SLIT1: variants seen among roughly 807,000 people sequenced by gnomAD.
SLIT1 encodes slit guidance ligand 1, also known as slit homolog 1 protein.
Under a neutral mutation model 186.1 loss-of-function variants are expected in SLIT1, and 66 were observed. The observed-to-expected ratio is 0.35, with a 90% CI of 0.29 to 0.44. The LOEUF is 0.44. SLIT1 is among the 20% of genes least tolerant of loss of function. SLIT1 has a pLI of 1.00. For missense variants in SLIT1, 1,638 were observed against 2,037.4 expected (o/e 0.80, Z 3.77); for synonymous variants, 761 against 833.8 (o/e 0.91, Z 1.50).
intron 14 of SLIT1, among the ~76,000 whole-genome samples, 163 bp downstream of exon 14, chr10:97,048,792 T>A (rs1238659378): frequency 6.7e-6 from 1 of 149,376 alleles, no homozygotes; most frequent in Non-Finnish European, 1.5e-5. Context: ...GGTGAACAGG[T>A]GGGTAGGCGG....
chr10:97,030,948 A>T, intron 24 of SLIT1, 120 bp from the exon 25 acceptor site: 1 of 805,716 alleles, frequency 1.2e-6, no homozygotes, highest in Non-Finnish European at 2.1e-6. Context: ...TAGGCCTCTC[A>T]GTCAGTGACC....
chr10:97,032,389 CA>C (rs1379767813), intron 23 of SLIT1, among the ~76,000 whole-genome samples: 1 of 151,948 alleles, frequency 6.6e-6, no homozygotes, highest in Non-Finnish European at 1.5e-5. Flanking sequence ...ACCGACATGG[CA>C]AAACCCCGTC....
At position 97,046,367 on chromosome 10, in the gene SLIT1, G is replaced by A. The variant is rs193065132; in HGVS notation, c.1853+287C>T. Among the ~76,000 whole-genome samples the A allele has an allele frequency of 3.3e-5, 5 of 152,324 alleles. No homozygotes were observed. The East Asian group carries it at 9.6e-4, about 29-fold the overall frequency. On this transcript the variant is annotated intron_variant, in intron 18 of 36. Transcript: ENST00000266058. The stretch of plus-strand genomic sequence containing the variant: ...CCTGAACTCATGCTGTGCTCTTGCA[G>A]CCTGACCAGAGGGCAATGGGAAGGG...
chr10:97,172,759 T>C (rs1191861599), intron 1 of SLIT1, among the ~76,000 whole-genome samples: 1 of 152,040 alleles, frequency 6.6e-6, no homozygotes, highest in East Asian at 1.9e-4. Flanking sequence ...TTATTTTAAT[T>C]AACCAGGCGT....
chr10:97,008,974 G>T (rs113270181), intron 31 of SLIT1, among the ~76,000 whole-genome samples: 19,222 of 151,654 alleles, frequency 0.13, 1,487 homozygotes, highest in African/African-American at 0.21. Context: ...CTGCCTCCCG[G>T]GTTCATGCCA....
chr10:97,064,369 C>G, intron 6 of SLIT1, 130 bp from the exon 7 acceptor site: 1 of 762,786 alleles, frequency 1.3e-6, no homozygotes, highest in East Asian at 2.7e-5. Flanking sequence ...CATGGAGGAG[C>G]TAAGCCGAAG....
rs1305564912 is a variant in SLIT1 at position 97,138,467 on chromosome 10, C to T, written c.413+19351G>A. ...CAATGTTCAAATGACCAGTTGTCCA[C>T]GGCCTTCCCTTCGGGATGACTGAAG... On this transcript the variant is annotated intron_variant, in intron 4 of 36. Transcript: ENST00000266058. Among the ~76,000 whole-genome samples, 7 of 152,354 alleles carry T rather than the reference C, an allele frequency of 4.6e-5. No homozygotes were observed. In the South Asian group the frequency reaches 8.3e-4, roughly 18 times the overall value.
At chr10:97,091,401 G>T (rs932364185) in intron 4 of SLIT1, among the ~76,000 whole-genome samples, 4 of 152,206 alleles carry the variant, frequency 2.6e-5, no homozygotes, top group African/African-American at 7.2e-5. Flanking sequence ...GTAGATTTTT[G>T]TGTGGTAGAG....
At chr10:97,069,966 C>G (rs552697587) in intron 4 of SLIT1, among the ~76,000 whole-genome samples, 4 of 152,068 alleles carry the variant, frequency 2.6e-5, no homozygotes, top group Non-Finnish European at 5.9e-5. Flanking sequence ...CTGGGTTTGC[C>G]CTCTCTGGGA....
In SLIT1 at chr10:97,039,684, C is replaced by T. The variant is rs60378359; in HGVS notation, c.2297+304G>A. Among the ~76,000 whole-genome samples, 189 of 152,378 alleles carry T rather than the reference C, an allele frequency of 1.2e-3. No homozygotes were observed. The East Asian group carries it at 0.028, about 23-fold the overall frequency. On this transcript the variant is annotated intron_variant, in intron 21 of 36. Transcript: ENST00000266058. ...ATTTGTGTCTTCATGACACAGGAGC[C>T]TGAGACAATGACAGGCGGGAAAGCA...
At chr10:97,052,090 GT>G (rs773462819) in intron 13 of SLIT1, among the ~76,000 whole-genome samples, 3 of 118,204 alleles carry the variant, frequency 2.5e-5, no homozygotes, top group Middle Eastern at 5.1e-3. Context: ...GTATGATTCG[GT>G]TTTTTTTTGT....
intron 4 of SLIT1, among the ~76,000 whole-genome samples, chr10:97,137,439 G>A (rs1240337121): frequency 6.6e-6 from 1 of 152,170 alleles, no homozygotes; most frequent in African/African-American, 2.4e-5. Flanking sequence ...TTAAGATGCT[G>A]GAAATGTAAT....
rs1208749156 is a variant in SLIT1, at chr10:97,184,433, T to TAC, written c.197+1043_197+1044dup. ...AAAGGCCCTGCATGTGACCAAAATC[T>TAC]ACACACACACAGCCCATTACGGGGA... On this transcript the variant is annotated intron_variant, in intron 1 of 36. Coordinates refer to ENST00000266058, the MANE Select transcript of SLIT1 (RefSeq NM_003061.3). This position sits in a 1 kb window ranked among gnomAD's most constrained non-coding sequence, Gnocchi z 4.4. 2.6e-5 allele frequency among the ~76,000 whole-genome samples: 4 copies of TAC among 151,828 alleles called. No individual in the cohort carries two copies. Among genetic ancestry groups the TAC allele is most frequent in the Admixed American group, 2.0e-4 (3 of 15,244 alleles).
At chr10:97,114,276 G>A (rs957157456) in intron 4 of SLIT1, among the ~76,000 whole-genome samples, 5 of 152,194 alleles carry the variant, frequency 3.3e-5, no homozygotes, top group Non-Finnish European at 5.9e-5. Context: ...CCTGCCTAAG[G>A]GAGGCCAGCC....
intron 35 of SLIT1, 83 bp downstream of exon 35, chr10:97,002,621 G>T: frequency 1.5e-6 from 2 of 1,322,178 alleles, no homozygotes; most frequent in Non-Finnish European, 2.0e-6. Flanking sequence ...TCTAATATGG[G>T]TTGGAAAACT....
At chr10:97,048,020 A>G in intron 14 of SLIT1, 24 bp from the exon 15 acceptor site, 1 of 1,613,944 alleles carries the variant, frequency 6.2e-7, no homozygotes, top group Admixed American at 1.7e-5. Flanking sequence ...CAGAAATACC[A>G]TAATGCAGGA....
intron 4 of SLIT1, among the ~76,000 whole-genome samples, chr10:97,093,320 T>G (rs150789796): frequency 4.3e-4 from 66 of 152,376 alleles, no homozygotes; most frequent in Middle Eastern, 3.4e-3. Context: ...TTACAAGAAC[T>G]GTGATTTGAT....
rs930874858 is a variant in SLIT1, at chr10:97,014,206, G to A, written c.2970-48C>T. On this transcript the variant is annotated intron_variant, in intron 28 of 36. Transcript: ENST00000266058. ...GAGAGACAGCCCTCTTGGAACACTG[G>A]TGGAAGCCTGTGGCTGCCGGTTAAT... 12 of 1,598,066 alleles carry A rather than the reference G, an allele frequency of 7.5e-6. No individual in the cohort carries two copies. In the African/African-American group the frequency reaches 1.6e-4, roughly 21 times the overall value.
At position 97,144,655 on chromosome 10, in the gene SLIT1, G is replaced by T. The variant is rs7083301; in HGVS notation, c.413+13163C>A. Among the ~76,000 whole-genome samples the T allele has an allele frequency of 7.7e-3, 1,175 of 152,260 alleles. 9 individuals are homozygous for T. The highest frequency in any genetic ancestry group is 0.023 in the African/African-American group (976 of 41,542). ...TCAGAGACAAGCAGGGAGGTGACCT[G>T]CAGGCTCCCAGGCCCAGCCTGCAAC... On this transcript the variant is annotated intron_variant, in intron 4 of 36. Coordinates refer to ENST00000266058, the MANE Select transcript of SLIT1 (RefSeq NM_003061.3).
Sources: allele counts gnomAD v4.1 joint callset (sites outside exome capture counted in the v4.1 genomes callset), GRCh38; gene constraint gnomAD v4.1.1; non-coding constraint Gnocchi (gnomAD v3.1); transcripts MANE v1.5; gene names NCBI Gene and HGNC (gene_info 2026-07-23, HGNC 2026-07-21).